The following GLIS3 variants were observed in gnomAD, a reference collection of about 807,000 sequenced individuals.
The protein encoded by GLIS3 is zinc finger protein GLIS3.
Under a neutral mutation model 78.6 loss-of-function variants are expected in GLIS3, and 53 were observed. That is an observed-to-expected ratio of 0.67 (90% CI 0.54 to 0.85). GLIS3 has a LOEUF of 0.85. Ranked by LOEUF, GLIS3 falls within the 40% of genes least tolerant of loss-of-function variation. The pLI is 0.00. For synonymous variants in GLIS3, 684 were observed against 509.9 expected (o/e 1.34, Z -4.60); for missense variants, 1,703 against 1,231.1 (o/e 1.38, Z -5.74).
chr9:4,129,195 A>G (rs1445816057), intron 2 of GLIS3, among the ~76,000 whole-genome samples: 1 of 152,154 alleles, frequency 6.6e-6, no homozygotes, highest in Non-Finnish European at 1.5e-5. Flanking sequence ...ACTTCTCAGA[A>G]TTGTGCAGTG....
chr9:4,382,289 G>C, the GLIS3 span, among the ~76,000 whole-genome samples: 45 of 152,278 alleles, frequency 3.0e-4, no homozygotes, highest in Non-Finnish European at 5.3e-4. Context: ...GTTTGTTCCA[G>C]AAGAATCCTG....
chr9:4,195,092 T>C (rs1001870475), intron 2 of GLIS3, among the ~76,000 whole-genome samples: 11 of 152,232 alleles, frequency 7.2e-5, no homozygotes, highest in African/African-American at 2.7e-4. Context: ...TCTCCCCAAC[T>C]GCAAGCCAGG....
rs1390286963 is a variant in GLIS3 at position 4,325,326 on chromosome 9, G to A, written n.265-14798C>T. ...CTTGAAACCACTTAAAAAGGGTAGA[G>A]TACCCCTTAATGTGGTGACTAGAAC... On this transcript the variant is annotated intron_variant and non_coding_transcript_variant, in intron 2 of 4. Transcript: ENST00000471664. Among the ~76,000 whole-genome samples the A allele has an allele frequency of 2.6e-5, 4 of 152,196 alleles. No individual in the cohort carries two copies. The South Asian group carries it at 6.2e-4, about 24-fold the overall frequency.
intron 2 of GLIS3, among the ~76,000 whole-genome samples, chr9:4,214,361 T>C (rs896671916): frequency 3.3e-5 from 5 of 152,170 alleles, no homozygotes; most frequent in African/African-American, 1.2e-4. Context: ...AGGAAAAACA[T>C]CTTCTGGATT....
At chr9:3,838,835 C>T (rs1818533724) in intron 9 of GLIS3, among the ~76,000 whole-genome samples, 1 of 152,196 alleles carries the variant, frequency 6.6e-6, no homozygotes, top group Non-Finnish European at 1.5e-5. Context: ...TTGTGGAGCC[C>T]TTGCTCTCTG....
rs762146547 is a variant in GLIS3 at position 4,286,208 on chromosome 9, T to A, written c.218A>T (p.Asn73Ile). Residue 73 changes from asparagine (N) to isoleucine (I), a missense_variant, in exon 2 of 11, where the codon AAC (asparagine) becomes ATC (isoleucine). Coordinates refer to ENST00000381971, the MANE Select transcript of GLIS3 (RefSeq NM_001042413.2). ...CAGATGGATGCGGCTCTCAGCCACG[T>A]TGTTCTGAGGAGCCATCCCTCCTCC... ...PSGGGMAPQNNVAESRIHLPA... is the reference protein window; with the variant it reads ...PSGGGMAPQNIVAESRIHLPA... 3 of 1,614,084 alleles carry A rather than the reference T, an allele frequency of 1.9e-6. No homozygotes were observed. The highest frequency in any genetic ancestry group is 2.7e-5 in the African/African-American group (2 of 74,928).
At chr9:4,407,164 A>C in the GLIS3 span, among the ~76,000 whole-genome samples, 1 of 152,248 alleles carries the variant, frequency 6.6e-6, no homozygotes, top group Non-Finnish European at 1.5e-5. Context: ...ACTCATTTTC[A>C]ACAAAGGTAC....
chr9:4,381,609 A>T, the GLIS3 span, among the ~76,000 whole-genome samples: 1 of 151,622 alleles, frequency 6.6e-6, no homozygotes, highest in Non-Finnish European at 1.5e-5. Flanking sequence ...ATGAACCTCC[A>T]ACTGGGGCAT....
chr9:3,864,214 CAT>C (rs1490212635), intron 8 of GLIS3, among the ~76,000 whole-genome samples: 1 of 152,162 alleles, frequency 6.6e-6, no homozygotes, highest in African/African-American at 2.4e-5. Context: ...GGGATTAACT[CAT>C]AGTCCTGTAG....
At chr9:4,259,107 AC>A (rs1433268112) in intron 2 of GLIS3, among the ~76,000 whole-genome samples, 1 of 152,118 alleles carries the variant, frequency 6.6e-6, no homozygotes, top group Non-Finnish European at 1.5e-5. Context: ...TGAAGACCTC[AC>A]CACTTGGATC....
chr9:3,957,179 G>A (rs574000417), intron 4 of GLIS3, among the ~76,000 whole-genome samples: 1 of 152,192 alleles, frequency 6.6e-6, no homozygotes, highest in African/African-American at 2.4e-5. Flanking sequence ...AAATGGAAAA[G>A]CAGGATAAAA....
chr9:4,322,231 G>A (rs1445578468), intron 2 of GLIS3, among the ~76,000 whole-genome samples: 1 of 152,144 alleles, frequency 6.6e-6, no homozygotes. Context: ...TAGCTGCATA[G>A]TATTCCATGG....
the GLIS3 span, among the ~76,000 whole-genome samples, chr9:4,423,807 C>T: frequency 6.6e-6 from 1 of 152,148 alleles, no homozygotes; most frequent in Non-Finnish European, 1.5e-5. Context: ...TATTCTTGTT[C>T]ATAACATTCA....
chr9:4,123,820 T>C (rs965609261), intron 3 of GLIS3: 62 of 398,314 alleles, frequency 1.6e-4, no homozygotes, highest in African/African-American at 1.0e-3. Flanking sequence ...TAGTGCTTGG[T>C]ACTTTTCCAT....
chr9:4,200,793 T>C (rs781762275), intron 2 of GLIS3, among the ~76,000 whole-genome samples: 3 of 151,980 alleles, frequency 2.0e-5, no homozygotes, highest in Non-Finnish European at 4.4e-5. Context: ...ACCGAAATTA[T>C]CCAAAAACAT....
the GLIS3 span, among the ~76,000 whole-genome samples, chr9:4,430,097 T>G: frequency 6.6e-6 from 1 of 152,048 alleles, no homozygotes; most frequent in African/African-American, 2.4e-5. Context: ...AGCCCGGGAA[T>G]GAGATCCAGG....
chr9:4,076,185 G>A (rs576104535), intron 4 of GLIS3, among the ~76,000 whole-genome samples: 3 of 152,262 alleles, frequency 2.0e-5, no homozygotes, highest in African/African-American at 7.2e-5. Context: ...TAGAGTGTAG[G>A]AAGACTTGAT....
At chr9:4,085,189 A>G (rs1164502161) in intron 4 of GLIS3, among the ~76,000 whole-genome samples, 3 of 151,852 alleles carry the variant, frequency 2.0e-5, no homozygotes, top group African/African-American at 7.3e-5. Context: ...CCTTGCTCAA[A>G]CTCCCACCAC....
At chr9:4,314,797 C>G (rs771523970) in intron 2 of GLIS3, among the ~76,000 whole-genome samples, 22 of 152,170 alleles carry the variant, frequency 1.4e-4, no homozygotes, top group Non-Finnish European at 2.5e-4. Context: ...AACCTCTGTC[C>G]CTGAGCCTTC....
Sources: allele counts gnomAD v4.1 joint callset (sites outside exome capture counted in the v4.1 genomes callset), GRCh38; gene constraint gnomAD v4.1.1; transcripts MANE v1.5; gene names NCBI Gene and HGNC (gene_info 2026-07-23, HGNC 2026-07-21).